The following PLPPR1 variants were observed in gnomAD, a reference collection of about 807,000 sequenced individuals.
The protein encoded by PLPPR1 is phospholipid phosphatase related 1.
PLPPR1 carries 10 observed loss-of-function variants against 33.1 expected under a neutral mutation model. The observed-to-expected ratio is 0.30, with a 90% CI of 0.19 to 0.51. The LOEUF (loss-of-function observed/expected upper bound fraction) is 0.51. PLPPR1 is among the 20% of genes least tolerant of loss of function. PLPPR1 has a pLI of 0.97. For missense variants in PLPPR1, 304 were observed against 408.1 expected (o/e 0.74, Z 2.20); for synonymous variants, 151 against 151.0 (o/e 1.00, Z 0.00).
chr9:101,037,710 TG>T (rs1564127257), intron 1 of PLPPR1, among the ~76,000 whole-genome samples: 1 of 151,980 alleles, frequency 6.6e-6, no homozygotes, highest in Non-Finnish European at 1.5e-5. Context: ...CCTTCCCTCC[TG>T]GGGGTCACAG....
At chr9:101,249,132 G>T (rs2118862408) in intron 2 of PLPPR1, among the ~76,000 whole-genome samples, 1 of 152,174 alleles carries the variant, frequency 6.6e-6, no homozygotes, top group Non-Finnish European at 1.5e-5. Context: ...TGTAGCAAAA[G>T]ATAGCCATCC....
At chr9:101,113,098 T>C (rs1182767725) in intron 1 of PLPPR1, among the ~76,000 whole-genome samples, 2 of 152,234 alleles carry the variant, frequency 1.3e-5, no homozygotes, top group Non-Finnish European at 2.9e-5. Flanking sequence ...GTTATTCTTT[T>C]AGACATAGAC....
chr9:101,078,619 G>T (rs576734735), intron 1 of PLPPR1, among the ~76,000 whole-genome samples: 1 of 152,072 alleles, frequency 6.6e-6, no homozygotes, highest in East Asian at 1.9e-4. Flanking sequence ...CTTGAACCTG[G>T]GAGGTAGAGG....
At chr9:101,173,435 G>A (rs1825972244) in intron 1 of PLPPR1, among the ~76,000 whole-genome samples, 1 of 152,046 alleles carries the variant, frequency 6.6e-6, no homozygotes, top group Non-Finnish European at 1.5e-5. Flanking sequence ...ACAGGCTCTA[G>A]CAATTGGCCC....
chr9:101,038,391 A>G (rs572731938), intron 1 of PLPPR1, among the ~76,000 whole-genome samples: 2 of 152,228 alleles, frequency 1.3e-5, no homozygotes, highest in South Asian at 2.1e-4. Flanking sequence ...CTACTGTACT[A>G]TGTACTTTGG....
rs920312075 is a variant in PLPPR1, at chr9:101,193,808, C to A, written c.63+8251C>A. Among the ~76,000 whole-genome samples, 5 of 152,166 alleles carry A rather than the reference C, an allele frequency of 3.3e-5. 1 individual carries two copies. Among genetic ancestry groups the A allele is most frequent in the Admixed American group, 3.3e-4 (5 of 15,282 alleles). ...GGCTACATTGCCAATAGATGTTACA[C>A]TTGAGATTTAAATGTAACATAAATG... On this transcript the variant is annotated intron_variant, in intron 2 of 7. Transcript: ENST00000374874.
intron 2 of PLPPR1, among the ~76,000 whole-genome samples, chr9:101,200,581 C>CCTAA (rs1311495190): frequency 2.7e-4 from 41 of 152,292 alleles, no homozygotes; most frequent in African/African-American, 9.9e-4. Context: ...ATCCAGGGTA[C>CCTAA]TTATTACCTA....
chr9:101,145,143 T>C (rs1208118413), intron 1 of PLPPR1, among the ~76,000 whole-genome samples: 1 of 152,062 alleles, frequency 6.6e-6, no homozygotes, highest in East Asian at 1.9e-4. Flanking sequence ...TGAGGAGATG[T>C]TAGTCAAAGG....
chr9:101,167,089 A>G (rs1443225430), intron 1 of PLPPR1, among the ~76,000 whole-genome samples: 1 of 135,048 alleles, frequency 7.4e-6, no homozygotes, highest in Admixed American at 7.6e-5. Flanking sequence ...AGACATGCAG[A>G]TAGATTTGGT....
chr9:101,093,256 T>C (rs2118536049), intron 1 of PLPPR1, among the ~76,000 whole-genome samples: 1 of 152,314 alleles, frequency 6.6e-6, no homozygotes, highest in Admixed American at 6.5e-5. Flanking sequence ...ATGCTGAAAC[T>C]TCCCTCCAAG....
intron 1 of PLPPR1, among the ~76,000 whole-genome samples, chr9:101,117,021 C>G (rs1344740126): frequency 6.6e-6 from 1 of 152,048 alleles, no homozygotes; most frequent in Non-Finnish European, 1.5e-5. Context: ...ATCATCGTTC[C>G]TATTCAGCCT....
chr9:101,271,028 T>A (rs1356005066), intron 3 of PLPPR1, among the ~76,000 whole-genome samples: 1 of 152,206 alleles, frequency 6.6e-6, no homozygotes, highest in East Asian at 1.9e-4. Flanking sequence ...TGCTTTCAGA[T>A]GAGAAATGGA....
At position 101,076,808 on chromosome 9, in the gene PLPPR1, C is replaced by T. The variant is rs1004940496; in HGVS notation, c.-46+47706C>T. ...TTTCTAAAGTGGAAACTTAACCTTC[C>T]TACTATAAAATTCCTCTGGATATTT... On this transcript the variant is annotated intron_variant, in intron 1 of 7. Coordinates refer to ENST00000374874, the MANE Select transcript of PLPPR1 (RefSeq NM_207299.2). Among the ~76,000 whole-genome samples the T allele has an allele frequency of 3.3e-5, 5 of 152,232 alleles. 1 individual carries two copies. The South Asian group carries it at 1.0e-3, about 32-fold the overall frequency.
At chr9:101,045,803 C>A (rs1830136330) in intron 1 of PLPPR1, among the ~76,000 whole-genome samples, 1 of 152,202 alleles carries the variant, frequency 6.6e-6, no homozygotes, top group South Asian at 2.1e-4. Flanking sequence ...CTCTAACCTT[C>A]AATTTCTTCC....
intron 2 of PLPPR1, among the ~76,000 whole-genome samples, chr9:101,223,663 G>A (rs1232530319): frequency 6.6e-6 from 1 of 151,992 alleles, no homozygotes; most frequent in African/African-American, 2.4e-5. Flanking sequence ...ATAAGCATCT[G>A]GCATTTCCCC....
intron 1 of PLPPR1, among the ~76,000 whole-genome samples, chr9:101,094,874 C>T (rs1405918561): frequency 6.6e-6 from 1 of 152,132 alleles, no homozygotes; most frequent in East Asian, 1.9e-4. Flanking sequence ...AGTGACCTCC[C>T]ATGGGGCTTC....
chr9:101,249,152 C>A (rs1021479625), intron 2 of PLPPR1, among the ~76,000 whole-genome samples: 2 of 152,056 alleles, frequency 1.3e-5, no homozygotes, highest in Non-Finnish European at 2.9e-5. Context: ...CTCACTGAAG[C>A]CATTTGGCTT....
intron 1 of PLPPR1, among the ~76,000 whole-genome samples, chr9:101,183,367 A>G (rs1036647397): frequency 1.3e-5 from 2 of 151,834 alleles, no homozygotes; most frequent in African/African-American, 4.8e-5. Flanking sequence ...ACATGAATGA[A>G]TCTCAAAAAT....
intron 1 of PLPPR1, among the ~76,000 whole-genome samples, chr9:101,125,102 C>A (rs1831227754): frequency 1.3e-5 from 2 of 151,030 alleles, no homozygotes; most frequent in African/African-American, 2.4e-5. Flanking sequence ...CTAGTCTCTA[C>A]TTTTGTACCT....
Sources: allele counts gnomAD v4.1 joint callset (sites outside exome capture counted in the v4.1 genomes callset), GRCh38; gene constraint gnomAD v4.1.1; transcripts MANE v1.5; gene names NCBI Gene and HGNC (gene_info 2026-07-23, HGNC 2026-07-21).